HAT1: variants seen among roughly 807,000 people sequenced by gnomAD.
HAT1 encodes the protein histone acetyltransferase type B catalytic subunit.
A neutral mutation model predicts 56.6 loss-of-function variants in HAT1; 20 were observed. That is an observed-to-expected ratio of 0.35 (90% CI 0.25 to 0.51). The LOEUF (loss-of-function observed/expected upper bound fraction) is 0.51. Among genes scored for constraint, HAT1 ranks in the 20% least tolerant of loss-of-function variants. The pLI, the probability that HAT1 is intolerant of heterozygous loss-of-function variation, is 0.95. For synonymous variants in HAT1, 146 were observed against 165.5 expected (o/e 0.88, Z 0.91); for missense variants, 408 against 504.3 (o/e 0.81, Z 1.83).
At chr2:171,962,339 A>T (rs1338096561) in intron 4 of HAT1, among the ~76,000 whole-genome samples, 1 of 152,206 alleles carries the variant, frequency 6.6e-6, no homozygotes, top group African/African-American at 2.4e-5. Context: ...TAAATTACCA[A>T]GCGTTAGGAA....
chr2:171,936,065 C>T (rs1328362811), intron 2 of HAT1, among the ~76,000 whole-genome samples: 1 of 152,080 alleles, frequency 6.6e-6, no homozygotes, highest in Non-Finnish European at 1.5e-5. Flanking sequence ...AGACAAAATT[C>T]TTGGGGAGGA....
At chr2:171,973,930 A>C (rs1220479479) in intron 8 of HAT1, among the ~76,000 whole-genome samples, 1 of 152,202 alleles carries the variant, frequency 6.6e-6, no homozygotes, top group Admixed American at 6.5e-5. Context: ...CTGTAATCCC[A>C]GCACATTGGG....
intron 3 of HAT1, among the ~76,000 whole-genome samples, chr2:171,947,710 C>G (rs551950071): frequency 5.9e-5 from 9 of 152,254 alleles, no homozygotes; most frequent in Admixed American, 5.9e-4. Context: ...GAAACCCCGT[C>G]TCTATTAAAA....
intron 8 of HAT1, among the ~76,000 whole-genome samples, chr2:171,970,199 A>G (rs1012048569): frequency 6.6e-6 from 1 of 151,994 alleles, no homozygotes; most frequent in Non-Finnish European, 1.5e-5. Context: ...AGGCAGGTGG[A>G]TCACGAGGTC....
intron 1 of HAT1, chr2:171,924,966 C>T (rs557375862): frequency 1.3e-5 from 2 of 151,754 alleles, no homozygotes; most frequent in African/African-American, 2.4e-5. Flanking sequence ...TGTTAGTAAT[C>T]TATCATGTTA....
At chr2:171,958,219 GTTA>G (rs1393045572) in intron 4 of HAT1, among the ~76,000 whole-genome samples, 4 of 151,938 alleles carry the variant, frequency 2.6e-5, no homozygotes, top group Non-Finnish European at 4.4e-5. Flanking sequence ...ATTATTTAGT[GTTA>G]TTATGCATAA....
intron 2 of HAT1, among the ~76,000 whole-genome samples, chr2:171,941,872 AT>A (rs1436825004): frequency 6.6e-6 from 1 of 151,932 alleles, no homozygotes; most frequent in Non-Finnish European, 1.5e-5. Flanking sequence ...CTGAGCTTCC[AT>A]TTTTCTACAA....
At chr2:171,948,862 G>A (rs117986023) in intron 3 of HAT1, among the ~76,000 whole-genome samples, 2,747 of 152,290 alleles carry the variant, frequency 0.018, 53 homozygotes, top group Admixed American at 0.067. Flanking sequence ...CAGGAAGTCC[G>A]TGATGTCAGT....
At chr2:171,926,125 T>C (rs943650356) in intron 2 of HAT1, among the ~76,000 whole-genome samples, 1 of 152,044 alleles carries the variant, frequency 6.6e-6, no homozygotes, top group Non-Finnish European at 1.5e-5. Flanking sequence ...TTTCTTTCTT[T>C]TTTAAAGAGA....
chr2:171,946,654 CT>C, intron 2 of HAT1, 53 bp from the exon 3 acceptor site: 1 of 1,013,404 alleles, frequency 9.9e-7, no homozygotes, highest in South Asian at 1.4e-5. Context: ...TACCTGTCAC[CT>C]TCAATATCTT....
intron 1 of HAT1, 62 bp downstream of exon 1, chr2:171,922,569 A>T: frequency 7.9e-7 from 1 of 1,273,798 alleles, no homozygotes; most frequent in Non-Finnish European, 1.0e-6. Context: ...TAGAACGCCG[A>T]GACGGTGGTG....
intron 8 of HAT1, among the ~76,000 whole-genome samples, chr2:171,974,571 C>T (rs868021785): frequency 4.0e-4 from 61 of 152,224 alleles, no homozygotes; most frequent in African/African-American, 1.3e-3. Context: ...CTTTCTTTTT[C>T]TTACCCGATT....
Position 171,976,189 on chromosome 2 carries a change from C to A in HAT1, c.856C>A (p.Arg286=). The A allele has an allele frequency of 6.3e-7, 1 of 1,591,174 alleles. No individual in the cohort carries two copies. The highest frequency in any genetic ancestry group is 8.6e-7 in the Non-Finnish European group (1 of 1,168,090). ...EDPSKSYVKL[R]DFVLVKLCQD... ...TCCATCCAAAAGCTATGTGAAATTA[C>A]GAGACTTTGTGCTTGTGAAGCTTTG... Residue 286 remains arginine, a synonymous_variant, in exon 9 of 11, where the codon CGA becomes AGA. Coordinates refer to ENST00000264108, the MANE Select transcript of HAT1 (RefSeq NM_003642.4).
chr2:171,925,731 A>C (rs1015665593), intron 2 of HAT1, 90 bp downstream of exon 2: 48 of 602,834 alleles, frequency 8.0e-5, no homozygotes, highest in African/African-American at 1.9e-5. Context: ...ATTTTATGTA[A>C]GAGCAGTTAT....
intron 3 of HAT1, among the ~76,000 whole-genome samples, chr2:171,952,477 C>T (rs1475641696): frequency 2.0e-5 from 3 of 152,162 alleles, no homozygotes; most frequent in Non-Finnish European, 4.4e-5. Flanking sequence ...GTTGGAGGGA[C>T]TGGTCCAAGG....
Position 171,965,900 on chromosome 2 carries a change from C to T in HAT1, c.603C>T (p.Tyr201=), listed in dbSNP as rs1687672336. 1 of 1,612,878 alleles carries T rather than the reference C, an allele frequency of 6.2e-7. No individual in the cohort carries two copies. Residue 201 remains tyrosine (Y), a synonymous_variant, in exon 6 of 11, where the codon TAC becomes TAT. Transcript: ENST00000264108. ...FIDVDDERWH[Y]FLVFEKYNKD... is the part of the protein sequence containing the mutation. Reference sequence around the variant, plus strand: ...ACGTGGATGATGAAAGATGGCACTACTTTCTAGTGTAAGTACAGTTCTAAA... The same window carrying T: ...ACGTGGATGATGAAAGATGGCACTATTTTCTAGTGTAAGTACAGTTCTAAA...
Position 171,953,823 on chromosome 2 carries a change from C to T in HAT1, c.309+822C>T, listed in dbSNP as rs970372085. Among the ~76,000 whole-genome samples, 6 of 151,512 alleles carry T rather than the reference C, an allele frequency of 4.0e-5. No individual in the cohort carries two copies. The South Asian group carries it at 6.3e-4, about 16-fold the overall frequency. On this transcript the variant is annotated intron_variant, in intron 4 of 10. Coordinates refer to ENST00000264108, the MANE Select transcript of HAT1 (RefSeq NM_003642.4). ...CAGTCTGGCCAACATGGTGAAACCC[C>T]GTCTCTACTAAAAATACAAAAATTA...
chr2:171,977,673 C>G (rs1358508871), intron 9 of HAT1, among the ~76,000 whole-genome samples: 1 of 149,914 alleles, frequency 6.7e-6, no homozygotes, highest in African/African-American at 2.4e-5. Context: ...CTAGCTTCAG[C>G]CTGTTAGTAC....
chr2:171,958,981 T>G (rs1687511952), intron 4 of HAT1, among the ~76,000 whole-genome samples: 1 of 152,218 alleles, frequency 6.6e-6, no homozygotes, highest in Non-Finnish European at 1.5e-5. Context: ...TGAGTTCTAT[T>G]TGGTTTTTTT....
Sources: gnomAD v4.1 joint callset for allele counts (sites outside exome capture counted in the v4.1 genomes callset) on GRCh38, gnomAD v4.1.1 for gene constraint, MANE v1.5 for transcripts, NCBI Gene and HGNC (gene_info 2026-07-23, HGNC 2026-07-21) for gene names.